Variants in PAN3 observed in about 807,000 individuals in gnomAD.
PAN3 encodes the protein poly(A) specific ribonuclease subunit PAN3, also known as PAN2-PAN3 deadenylation complex subunit PAN3.
Under a neutral mutation model 96.2 loss-of-function variants are expected in PAN3, and 19 were observed. That is an observed-to-expected ratio of 0.20 (90% CI 0.14 to 0.29). The LOEUF (loss-of-function observed/expected upper bound fraction) is 0.29. PAN3 is among the 10% of genes least tolerant of loss of function. PAN3 has a pLI of 1.00. For missense variants in PAN3, 882 were observed against 1,108.1 expected (o/e 0.80, Z 2.90); for synonymous variants, 433 against 406.6 (o/e 1.06, Z -0.78).
chr13:28,197,090 A>G, intron 4 of PAN3, 95 bp from the exon 5 acceptor site: 4 of 1,387,530 alleles, frequency 2.9e-6, no homozygotes, highest in East Asian at 2.5e-5. Context: ...TTCCTATCCC[A>G]CCGTTCCCAG....
At chr13:28,209,093 T>C (rs1879725674) in intron 5 of PAN3, among the ~76,000 whole-genome samples, 1 of 152,220 alleles carries the variant, frequency 6.6e-6, no homozygotes. Context: ...TGTAAATAGT[T>C]GCTATACTGT....
At position 28,155,096 on chromosome 13, in the gene PAN3, G is replaced by A. The variant is rs569943076; in HGVS notation, c.430+16009G>A. Among the ~76,000 whole-genome samples the A allele has an allele frequency of 4.3e-3, 660 of 151,752 alleles. 7 individuals are homozygous for A. Among genetic ancestry groups the A allele is most frequent in the African/African-American group, 0.014 (587 of 41,402 alleles). ...CTCCCAAAGTGCTGGGACTACAGGC[G>A]TGAGCCACCGCGCACGGCGACTTTG... On this transcript the variant is annotated intron_variant, in intron 1 of 18. Coordinates refer to ENST00000380958, the MANE Select transcript of PAN3 (RefSeq NM_175854.8).
rs117848395 is a variant in PAN3 at position 28,220,099 on chromosome 13, C to T, written c.853-132C>T. 5.5e-4 allele frequency: 484 copies of T among 877,182 alleles called. 5 individuals are homozygous for T. The Middle Eastern group carries it at 7.2e-3, about 13-fold the overall frequency. 54.3% of individuals were successfully genotyped at this position (877,182 alleles called of 1,614,324 possible). A position where few individuals can be genotyped will look rare whatever the true frequency, so the allele number is the denominator to read the frequency against. On this transcript the variant is annotated intron_variant, in intron 5 of 18. Coordinates refer to ENST00000380958, the MANE Select transcript of PAN3 (RefSeq NM_175854.8). ...ATTATGACACACCAAAATATGGAAC[C>T]GAAAACACTTGTTAATCCTTTCAAT...
intron 5 of PAN3, 138 bp from the exon 6 acceptor site, chr13:28,220,093 T>C: frequency 5.0e-6 from 4 of 799,832 alleles, no homozygotes; most frequent in Non-Finnish European, 7.4e-6. Context: ...CACCAAAATA[T>C]GGAACCGAAA....
chr13:28,221,771 A>T (rs1420112017), intron 6 of PAN3, among the ~76,000 whole-genome samples: 1 of 152,010 alleles, frequency 6.6e-6, no homozygotes, highest in Non-Finnish European at 1.5e-5. Flanking sequence ...TTCCCTAGAG[A>T]GCAGTGTCAG....
intron 1 of PAN3, among the ~76,000 whole-genome samples, chr13:28,141,278 T>G (rs1869769683): frequency 1.3e-5 from 2 of 151,946 alleles, no homozygotes; most frequent in South Asian, 4.1e-4. Context: ...GTGCTGGGAT[T>G]ACAGGTGTGA....
At chr13:28,272,631 G>A (rs529357194) in intron 14 of PAN3, among the ~76,000 whole-genome samples, 21 of 150,894 alleles carry the variant, frequency 1.4e-4, no homozygotes, top group East Asian at 3.9e-4. Context: ...GTGCAATGGC[G>A]CGATCTCAAC....
intron 5 of PAN3, among the ~76,000 whole-genome samples, chr13:28,219,300 G>T (rs1881132841): frequency 1.3e-5 from 2 of 151,908 alleles, no homozygotes; most frequent in South Asian, 4.1e-4. Flanking sequence ...TTTAGCATTT[G>T]TTCTATATTT....
chr13:28,173,678 A>G (rs1874590563), intron 1 of PAN3, among the ~76,000 whole-genome samples: 1 of 152,178 alleles, frequency 6.6e-6, no homozygotes, highest in African/African-American at 2.4e-5. Context: ...GCTGTATGCT[A>G]AGCACTTACT....
rs1884782025 is a variant in PAN3, at chr13:28,252,102, G to A, written c.1001-4190G>A. Among the ~76,000 whole-genome samples, 3 of 151,404 alleles carry A rather than the reference G, an allele frequency of 2.0e-5. No homozygotes were observed. In the South Asian group the frequency reaches 6.3e-4, roughly 32 times the overall value. ...GGGGTTTTGCTGTGTTGGCCAGGCT[G>A]GTTTTGAACTCCTGACCTCAGGTGG... On this transcript the variant is annotated intron_variant, in intron 6 of 18. Coordinates refer to ENST00000380958, the MANE Select transcript of PAN3 (RefSeq NM_175854.8).
intron 1 of PAN3, among the ~76,000 whole-genome samples, chr13:28,141,786 G>A (rs1463720772): frequency 1.3e-5 from 2 of 152,084 alleles, no homozygotes. Context: ...ACACACAATA[G>A]GTAGAAGGGC....
At chr13:28,277,422 TA>T (rs1566254889) in intron 15 of PAN3, 46 bp downstream of exon 15, 25 of 1,557,356 alleles carry the variant, frequency 1.6e-5, no homozygotes, top group Admixed American at 2.1e-5. Flanking sequence ...TTATTTGCGA[TA>T]AGACAGAGCT....
At chr13:28,162,278 A>G (rs1043781876) in intron 1 of PAN3, among the ~76,000 whole-genome samples, 1 of 152,188 alleles carries the variant, frequency 6.6e-6, no homozygotes, top group African/African-American at 2.4e-5. Context: ...TCCGATAAAG[A>G]AAAGGATGGT....
At chr13:28,257,747 A>ATT (rs1248187554) in intron 7 of PAN3, among the ~76,000 whole-genome samples, 3 of 114,290 alleles carry the variant, frequency 2.6e-5, no homozygotes, top group African/African-American at 9.3e-5. Context: ...AATTATATAT[A>ATT]ATATATAATT....
chr13:28,180,386 T>C (rs995656455), intron 4 of PAN3, among the ~76,000 whole-genome samples: 2 of 152,200 alleles, frequency 1.3e-5, no homozygotes, highest in Non-Finnish European at 2.9e-5. Flanking sequence ...TCTTTGTGGG[T>C]ACAGGTTGCA....
chr13:28,272,183 G>T, intron 14 of PAN3, 112 bp downstream of exon 14: 1 of 696,234 alleles, frequency 1.4e-6, no homozygotes, highest in East Asian at 3.0e-5. Context: ...ATTTTGGGGT[G>T]GTGTCTATGC....
At chr13:28,269,850 G>A (rs982109047) in intron 12 of PAN3, among the ~76,000 whole-genome samples, 24 of 152,162 alleles carry the variant, frequency 1.6e-4, no homozygotes, top group Non-Finnish European at 2.8e-4. Context: ...GTACATATTT[G>A]CTATTTATTA....
At chr13:28,166,023 C>T (rs1873495997) in intron 1 of PAN3, among the ~76,000 whole-genome samples, 1 of 152,078 alleles carries the variant, frequency 6.6e-6, no homozygotes, top group Non-Finnish European at 1.5e-5. Flanking sequence ...TGCATTCTGC[C>T]CCGATCCCTT....
chr13:28,206,434 C>T (rs1162034523), intron 5 of PAN3, among the ~76,000 whole-genome samples: 2 of 150,962 alleles, frequency 1.3e-5, no homozygotes, highest in Non-Finnish European at 2.9e-5. Context: ...AGCAATTCTC[C>T]TATCTCAGCC....
Sources: gnomAD v4.1 joint callset for allele counts (sites outside exome capture counted in the v4.1 genomes callset) on GRCh38, gnomAD v4.1.1 for gene constraint, MANE v1.5 for transcripts, NCBI Gene and HGNC (gene_info 2026-07-23, HGNC 2026-07-21) for gene names.